Variants in CACNA2D3 observed in about 807,000 individuals in gnomAD.
The protein encoded by CACNA2D3 is voltage-dependent calcium channel subunit alpha-2/delta-3.
A neutral mutation model predicts 160.6 loss-of-function variants in CACNA2D3; 60 were observed. That is an observed-to-expected ratio of 0.37 (90% CI 0.30 to 0.46). The LOEUF (loss-of-function observed/expected upper bound fraction) is 0.46. Ranked by LOEUF, CACNA2D3 falls within the 20% of genes least tolerant of loss-of-function variation. The pLI, the probability that CACNA2D3 is intolerant of heterozygous loss-of-function variation, is 1.00. For missense variants in CACNA2D3, 1,205 were observed against 1,365.0 expected, an observed-to-expected ratio of 0.88 and a Z score of 1.85; for synonymous variants, 558 against 492.9, an observed-to-expected ratio of 1.13 and a Z score of -1.75.
chr3:54,410,878 C>G (rs1396093597), intron 4 of CACNA2D3, among the ~76,000 whole-genome samples: 1 of 152,144 alleles, frequency 6.6e-6, no homozygotes, highest in African/African-American at 2.4e-5. Context: ...AATTGAAAAG[C>G]TTTTGGAAAG....
chr3:54,639,893 T>A (rs911553178), intron 10 of CACNA2D3: 2 of 151,712 alleles, frequency 1.3e-5, no homozygotes, highest in African/African-American at 4.9e-5. Flanking sequence ...TTATAGGATT[T>A]GGTTAGGTAA....
At chr3:54,735,620 C>T (rs773384574) in intron 11 of CACNA2D3, among the ~76,000 whole-genome samples, 6 of 152,078 alleles carry the variant, frequency 3.9e-5, no homozygotes, top group Non-Finnish European at 8.8e-5. Flanking sequence ...TTTAATAGCA[C>T]ATCACCTCTA....
chr3:54,151,579 G>T (rs1700152823), intron 2 of CACNA2D3, among the ~76,000 whole-genome samples: 1 of 152,140 alleles, frequency 6.6e-6, no homozygotes. Context: ...CTTTACCAGT[G>T]CTGGGGCAGT....
intron 27 of CACNA2D3, among the ~76,000 whole-genome samples, chr3:54,931,592 C>G (rs1701193457): frequency 6.6e-6 from 1 of 152,178 alleles, no homozygotes; most frequent in African/African-American, 2.4e-5. Flanking sequence ...CTATGAGGGT[C>G]TCCTGGCCCC....
intron 8 of CACNA2D3, among the ~76,000 whole-genome samples, chr3:54,578,339 G>A (rs942428289): frequency 6.6e-6 from 1 of 152,216 alleles, no homozygotes; most frequent in Admixed American, 6.5e-5. Flanking sequence ...CAAATCTTGA[G>A]TTGTAAATAT....
At chr3:54,206,314 T>C (rs1256107407) in intron 2 of CACNA2D3, among the ~76,000 whole-genome samples, 1 of 152,170 alleles carries the variant, frequency 6.6e-6, no homozygotes, top group Admixed American at 6.5e-5. Flanking sequence ...TGGCTCTGTC[T>C]GTATGCTCGG....
intron 5 of CACNA2D3, among the ~76,000 whole-genome samples, chr3:54,509,577 C>T (rs146571981): frequency 0.011 from 1,644 of 152,212 alleles, 37 homozygotes; most frequent in Admixed American, 0.049. Flanking sequence ...AAATAACACT[C>T]GAGAACCTCC....
At chr3:54,948,418 G>C (rs1025064340) in intron 27 of CACNA2D3, among the ~76,000 whole-genome samples, 2 of 152,234 alleles carry the variant, frequency 1.3e-5, no homozygotes, top group Non-Finnish European at 2.9e-5. Context: ...GGGCATATAT[G>C]TGTTTGCCTT....
chr3:54,721,437 G>A (rs920396139), intron 11 of CACNA2D3, among the ~76,000 whole-genome samples: 4 of 152,014 alleles, frequency 2.6e-5, no homozygotes, highest in Admixed American at 1.3e-4. Flanking sequence ...ACAGAATTCC[G>A]AGGCTTACAT....
intron 13 of CACNA2D3, among the ~76,000 whole-genome samples, chr3:54,803,073 C>T (rs981240276): frequency 5.9e-5 from 9 of 152,112 alleles, no homozygotes; most frequent in Non-Finnish European, 1.3e-4. Flanking sequence ...TCACCATCAT[C>T]AAAGACCAAA....
chr3:54,456,730 G>A (rs1575465083), intron 4 of CACNA2D3, among the ~76,000 whole-genome samples: 1 of 151,792 alleles, frequency 6.6e-6, no homozygotes, highest in Non-Finnish European at 1.5e-5. Context: ...ACTCGGTCCC[G>A]GGCTTTTCTT....
At chr3:54,960,695 C>T (rs1702011276) in intron 27 of CACNA2D3, among the ~76,000 whole-genome samples, 1 of 152,214 alleles carries the variant, frequency 6.6e-6, no homozygotes, top group African/African-American at 2.4e-5. Context: ...CCTTCCCTTC[C>T]TTCCCCCTCA....
chr3:54,721,288 T>C (rs1301238818), intron 11 of CACNA2D3, among the ~76,000 whole-genome samples: 2 of 152,226 alleles, frequency 1.3e-5, no homozygotes, highest in Non-Finnish European at 2.9e-5. Context: ...GAGTGACTCA[T>C]ATGGATTTTC....
chr3:54,313,712 T>G (rs1703796146), intron 2 of CACNA2D3, among the ~76,000 whole-genome samples: 1 of 151,886 alleles, frequency 6.6e-6, no homozygotes, highest in Admixed American at 6.6e-5. Context: ...TGCTCTCTCT[T>G]CCTGGCATCT....
intron 13 of CACNA2D3, among the ~76,000 whole-genome samples, chr3:54,813,477 T>G (rs1337289737): frequency 6.6e-6 from 1 of 152,168 alleles, no homozygotes; most frequent in African/African-American, 2.4e-5. Flanking sequence ...AATGTGAGTT[T>G]CAAATCTATT....
chr3:54,738,701 T>C (rs1701580047), intron 11 of CACNA2D3, among the ~76,000 whole-genome samples: 1 of 152,170 alleles, frequency 6.6e-6, no homozygotes. Flanking sequence ...TGCCTATGGG[T>C]TTATAGCTTC....
chr3:55,070,408 A>T (rs1704776281), intron 35 of CACNA2D3, among the ~76,000 whole-genome samples: 1 of 152,180 alleles, frequency 6.6e-6, no homozygotes, highest in Non-Finnish European at 1.5e-5. Context: ...GGGTGGTTGC[A>T]GGAGGGAGGG....
At chr3:54,219,883 T>A (rs531666356) in intron 2 of CACNA2D3, among the ~76,000 whole-genome samples, 1 of 152,202 alleles carries the variant, frequency 6.6e-6, no homozygotes, top group East Asian at 1.9e-4. Context: ...TGGCAATTAA[T>A]TAAGAATTCT....
chr3:54,816,811 C>T, intron 13 of CACNA2D3, 42 bp from the exon 14 acceptor site: 1 of 1,607,618 alleles, frequency 6.2e-7, no homozygotes, highest in Non-Finnish European at 8.5e-7. Flanking sequence ...ATATAATGAT[C>T]AACTTTTTTC....
Sources: gnomAD v4.1 joint callset for allele counts (sites outside exome capture counted in the v4.1 genomes callset) on GRCh38, gnomAD v4.1.1 for gene constraint, MANE v1.5 for transcripts, NCBI Gene and HGNC (gene_info 2026-07-23, HGNC 2026-07-21) for gene names.